Variants in CSMD1 observed in about 807,000 individuals in gnomAD.
CSMD1 encodes CUB and sushi domain-containing protein 1.
A neutral mutation model predicts 417.5 loss-of-function variants in CSMD1; 213 were observed. That is an observed-to-expected ratio of 0.51 (90% CI 0.46 to 0.57). The LOEUF is 0.57. CSMD1 is among the 20% of genes least tolerant of loss of function. The pLI, the probability that CSMD1 is intolerant of heterozygous loss-of-function variation, is 0.00. For missense variants in CSMD1, 6,923 were observed against 4,529.7 expected (o/e 1.53, Z -15.17); for synonymous variants, 2,862 against 1,736.8 (o/e 1.65, Z -16.11).
At chr8:3,778,990 T>C (rs959008526) in intron 5 of CSMD1, among the ~76,000 whole-genome samples, 5 of 152,210 alleles carry the variant, frequency 3.3e-5, no homozygotes, top group Non-Finnish European at 5.9e-5. Context: ...GCAGCACTTT[T>C]TCTAGGCTCA....
At chr8:3,880,279 T>A (rs949544538) in intron 5 of CSMD1, among the ~76,000 whole-genome samples, 1 of 152,204 alleles carries the variant, frequency 6.6e-6, no homozygotes, top group Non-Finnish European at 1.5e-5. Context: ...ATTCTCTTGC[T>A]CTACATGCTG....
intron 5 of CSMD1, among the ~76,000 whole-genome samples, chr8:3,984,730 T>TC (rs1213032752): frequency 2.4e-5 from 3 of 125,362 alleles, no homozygotes; most frequent in African/African-American, 6.2e-5. Context: ...TATATATATA[T>TC]ATATATATAT....
chr8:3,921,307 G>A (rs1357495442), intron 5 of CSMD1, among the ~76,000 whole-genome samples: 1 of 151,750 alleles, frequency 6.6e-6, no homozygotes, highest in East Asian at 1.9e-4. Context: ...TTTCTACTTA[G>A]CATAAGAGTT....
intron 5 of CSMD1, among the ~76,000 whole-genome samples, chr8:3,833,868 G>C (rs1021438698): frequency 7.2e-5 from 11 of 152,120 alleles, no homozygotes; most frequent in Non-Finnish European, 1.6e-4. Context: ...ACTTTGATTT[G>C]AAGTGTAGTT....
chr8:3,458,438 G>A (rs1423697872), intron 12 of CSMD1, among the ~76,000 whole-genome samples: 1 of 152,148 alleles, frequency 6.6e-6, no homozygotes, highest in Non-Finnish European at 1.5e-5. Context: ...TTTTCTTAAA[G>A]TTAAGACTGT....
chr8:3,754,475 G>C (rs1018598507), intron 5 of CSMD1, among the ~76,000 whole-genome samples: 2 of 113,374 alleles, frequency 1.8e-5, no homozygotes, highest in African/African-American at 5.9e-5. Context: ...TTTATTTTGA[G>C]ACGGAGTCTC....
intron 2 of CSMD1, among the ~76,000 whole-genome samples, chr8:4,513,216 T>A (rs1049324934): frequency 1.3e-5 from 2 of 152,144 alleles, no homozygotes; most frequent in Non-Finnish European, 2.9e-5. Flanking sequence ...TATGGGGGGA[T>A]GTTGATAATA....
At chr8:4,311,621 G>T (rs1406440832) in intron 3 of CSMD1, among the ~76,000 whole-genome samples, 1 of 151,336 alleles carries the variant, frequency 6.6e-6, no homozygotes. Flanking sequence ...TACTTGGGAA[G>T]CTTAGACAGG....
At chr8:4,642,577 G>A (rs1376606067) in intron 1 of CSMD1, among the ~76,000 whole-genome samples, 1 of 152,172 alleles carries the variant, frequency 6.6e-6, no homozygotes, top group African/African-American at 2.4e-5. Context: ...ACACCTGGAT[G>A]AAACTGTGCT....
intron 1 of CSMD1, among the ~76,000 whole-genome samples, chr8:4,885,280 GA>G (rs1585263266): frequency 6.6e-6 from 1 of 152,004 alleles, no homozygotes; most frequent in East Asian, 1.9e-4. Context: ...TCAGAAATGA[GA>G]GATAGTTTTC....
intron 5 of CSMD1, among the ~76,000 whole-genome samples, chr8:3,917,652 C>G (rs967140979): frequency 6.6e-6 from 1 of 151,982 alleles, no homozygotes; most frequent in Non-Finnish European, 1.5e-5. Context: ...TATGGTACGA[C>G]TAACATGCAA....
intron 42 of CSMD1, among the ~76,000 whole-genome samples, chr8:3,118,075 C>T (rs1044053718): frequency 3.9e-5 from 6 of 152,200 alleles, no homozygotes; most frequent in East Asian, 1.9e-4. Context: ...TAAAGCTGAA[C>T]GCTGCTGACT....
intron 1 of CSMD1, among the ~76,000 whole-genome samples, chr8:4,949,417 A>T (rs1208203435): frequency 7.2e-5 from 11 of 152,184 alleles, no homozygotes. Flanking sequence ...ACTTTCCTGG[A>T]AAATTATTTG....
chr8:3,216,349 T>C (rs1003287257), intron 29 of CSMD1, among the ~76,000 whole-genome samples: 2 of 152,212 alleles, frequency 1.3e-5, no homozygotes, highest in African/African-American at 4.8e-5. Flanking sequence ...TTCAACACAA[T>C]GTACTGAGGA....
intron 7 of CSMD1, among the ~76,000 whole-genome samples, chr8:3,619,567 G>A (rs1480931985): frequency 6.6e-6 from 1 of 152,026 alleles, no homozygotes; most frequent in African/African-American, 2.4e-5. Flanking sequence ...CCAAATTTGA[G>A]GAAAGACATA....
rs562617589 is a variant in CSMD1, at chr8:4,194,843, G to T, written c.416-162744C>A. On this transcript the variant is annotated intron_variant, in intron 3 of 69. Transcript: ENST00000635120. The stretch of plus-strand genomic sequence containing the variant: ...AAAGAAAAAAAAAAGTTTGTTTCAG[G>T]ATCTCCCACTGTATTATACCCATTT... Among the ~76,000 whole-genome samples the T allele has an allele frequency of 1.8e-4, 27 of 152,102 alleles. 1 individual carries two copies. The highest frequency in any genetic ancestry group is 6.2e-4 in the South Asian group (3 of 4,814).
chr8:4,189,582 A>G (rs1798892942), intron 3 of CSMD1, among the ~76,000 whole-genome samples: 1 of 152,214 alleles, frequency 6.6e-6, no homozygotes, highest in South Asian at 2.1e-4. Flanking sequence ...TATGCATGAT[A>G]CTATGTTAGT....
chr8:4,734,422 A>T (rs559561950), intron 1 of CSMD1, among the ~76,000 whole-genome samples: 1 of 152,278 alleles, frequency 6.6e-6, no homozygotes, highest in Admixed American at 6.5e-5. Context: ...AGTCCCTGAA[A>T]AAAAAAGGTG....
chr8:3,299,718 G>T (rs1403347696), intron 25 of CSMD1, among the ~76,000 whole-genome samples: 1 of 152,110 alleles, frequency 6.6e-6, no homozygotes, highest in African/African-American at 2.4e-5. Flanking sequence ...CAGAGAAGAG[G>T]AAGTCACTAA....
Sources: gnomAD v4.1 joint callset for allele counts (sites outside exome capture counted in the v4.1 genomes callset) on GRCh38, gnomAD v4.1.1 for gene constraint, MANE v1.5 for transcripts, NCBI Gene and HGNC (gene_info 2026-07-23, HGNC 2026-07-21) for gene names.